The following DOCK1 variants were observed in gnomAD, a reference collection of about 807,000 sequenced individuals.
The protein encoded by DOCK1 is dedicator of cytokinesis 1, also known as dedicator of cytokinesis protein 1.
DOCK1 carries 138 observed loss-of-function variants against 262.7 expected under a neutral mutation model. The ratio of observed to expected loss-of-function variants is 0.53; its 90% CI spans 0.46 to 0.61. DOCK1 has a LOEUF of 0.61. Ranked by LOEUF, DOCK1 falls within the 20% of genes least tolerant of loss-of-function variation. The pLI, the probability that DOCK1 is intolerant of heterozygous loss-of-function variation, is 0.00. For synonymous variants in DOCK1, 866 were observed against 867.4 expected, an observed-to-expected ratio of 1.00 and a Z score of 0.03; for missense variants, 1,908 against 2,370.7, an observed-to-expected ratio of 0.80 and a Z score of 4.05.
intron 23 of DOCK1, among the ~76,000 whole-genome samples, chr10:127,091,593 C>T (rs965128723): frequency 3.3e-5 from 5 of 152,158 alleles, no homozygotes; most frequent in African/African-American, 7.2e-5. Context: ...CAGGAGAGAG[C>T]GTTGTTTAGA....
chr10:127,274,735 G>A (rs976321152), intron 29 of DOCK1, among the ~76,000 whole-genome samples: 4 of 152,182 alleles, frequency 2.6e-5, no homozygotes, highest in African/African-American at 9.6e-5. Flanking sequence ...GTGTTCCCGA[G>A]CTCTGTTTTG....
chr10:127,253,874 CAAAAAAAA>C (rs575042004), intron 28 of DOCK1, among the ~76,000 whole-genome samples: 6 of 101,472 alleles, frequency 5.9e-5, no homozygotes, highest in Non-Finnish European at 1.1e-4. Flanking sequence ...GACCCTGTCT[CAAAAAAAA>C]AAAAAAAAAA....
At chr10:127,320,398 T>TAAGTAGAA (rs1214514986) in intron 29 of DOCK1, among the ~76,000 whole-genome samples, 3 of 152,256 alleles carry the variant, frequency 2.0e-5, no homozygotes, top group East Asian at 1.9e-4. Context: ...AGTCCTTGCG[T>TAAGTAGAA]AAGTAGAATG....
At chr10:127,142,254 C>T (rs1048031739) in intron 27 of DOCK1, among the ~76,000 whole-genome samples, 4 of 152,194 alleles carry the variant, frequency 2.6e-5, no homozygotes, top group East Asian at 1.9e-4. Context: ...CACACGGGCA[C>T]GTGGGAAGCC....
chr10:127,433,932 A>T (rs1409979289), intron 48 of DOCK1, among the ~76,000 whole-genome samples: 2 of 151,742 alleles, frequency 1.3e-5, no homozygotes, highest in African/African-American at 4.8e-5. Flanking sequence ...TGGCTCAGGG[A>T]AGCCAAAAGA....
At chr10:127,225,565 A>G (rs1259231744) in intron 27 of DOCK1, among the ~76,000 whole-genome samples, 4 of 152,252 alleles carry the variant, frequency 2.6e-5, no homozygotes, top group Non-Finnish European at 5.9e-5. Flanking sequence ...CATTAGTTAT[A>G]GCTAATTAAC....
chr10:126,923,437 A>G (rs2033396669), intron 1 of DOCK1, among the ~76,000 whole-genome samples: 2 of 152,128 alleles, frequency 1.3e-5, no homozygotes, highest in South Asian at 2.1e-4. Flanking sequence ...CAGCCTGGCC[A>G]ACATGGTGAA....
intron 22 of DOCK1, among the ~76,000 whole-genome samples, chr10:127,057,817 A>T (rs1389370867): frequency 6.6e-6 from 1 of 152,246 alleles, no homozygotes; most frequent in Non-Finnish European, 1.5e-5. Context: ...ATTGATCATG[A>T]ATAAGTTGTA....
In DOCK1 at chr10:127,176,016, A is replaced by G; in HGVS notation, c.2847+48252A>G. 12 of 1,614,036 alleles carry G rather than the reference A, an allele frequency of 7.4e-6. No individual in the cohort carries two copies. Among genetic ancestry groups the G allele is most frequent in the Non-Finnish European group, 1.0e-5 (12 of 1,180,024 alleles). On this transcript the variant is annotated intron_variant, in intron 27 of 51. Transcript: ENST00000623213. This position sits in a 1 kb window ranked among gnomAD's most constrained non-coding sequence, Gnocchi z 4.4. ...GGGATCTGCAGCTGGGAGGCTTTTG[A>G]GGTTCCCCTTTTTGCGGTCCAGAGG...
Position 126,941,641 on chromosome 10 carries a change from G to A in DOCK1, c.47-29061G>A, listed in dbSNP as rs1237885352. On this transcript the variant is annotated intron_variant, in intron 1 of 51. Transcript: ENST00000623213. ...CGTGGTGGCGGGTGCCTGTAGTCCC[G>A]CTACTCGGGAGGCTGAGGCAGGAGA... Among the ~76,000 whole-genome samples, 7 of 151,044 alleles carry A rather than the reference G, an allele frequency of 4.6e-5. No individual in the cohort carries two copies. The East Asian group carries it at 9.8e-4, about 21-fold the overall frequency.
intron 33 of DOCK1, among the ~76,000 whole-genome samples, chr10:127,364,933 A>G (rs1342648059): frequency 6.6e-6 from 1 of 151,850 alleles, no homozygotes; most frequent in Non-Finnish European, 1.5e-5. Flanking sequence ...AAGATAATTC[A>G]TTTTTGAAAG....
rs368709969 is a variant in DOCK1 at position 127,327,440 on chromosome 10, A to T, written c.3045-11566A>T. 9.2e-5 allele frequency among the ~76,000 whole-genome samples: 14 copies of T among 152,304 alleles called. No homozygotes were observed. In the East Asian group the frequency reaches 2.5e-3, roughly 27 times the overall value. On this transcript the variant is annotated intron_variant, in intron 29 of 51. Coordinates refer to ENST00000623213, the MANE Select transcript of DOCK1 (RefSeq NM_001290223.2). ...TAAGAATCAACCTCTGGTAGCTTCA[A>T]ACTTTTCCCCTGCAGCTTCCTCACC...
chr10:127,449,511 T>A (rs1220542465), intron 51 of DOCK1, among the ~76,000 whole-genome samples: 2 of 152,214 alleles, frequency 1.3e-5, no homozygotes, highest in East Asian at 3.8e-4. Context: ...ATAACATGGA[T>A]TAGCTCTCTC....
chr10:126,964,166 C>T (rs998594579), intron 1 of DOCK1, among the ~76,000 whole-genome samples: 12 of 152,324 alleles, frequency 7.9e-5, no homozygotes, highest in Middle Eastern at 6.8e-3. Flanking sequence ...CTGGTCTCTG[C>T]CCCAGGGTCA....
chr10:126,972,881 C>T (rs958368597), intron 2 of DOCK1, among the ~76,000 whole-genome samples: 8 of 151,596 alleles, frequency 5.3e-5, no homozygotes, highest in Non-Finnish European at 1.0e-4. Context: ...AGTCCTTAAG[C>T]GGATGAGTAG....
chr10:126,961,457 T>A (rs1455489602), intron 1 of DOCK1, among the ~76,000 whole-genome samples: 3 of 144,974 alleles, frequency 2.1e-5, no homozygotes, highest in Non-Finnish European at 3.0e-5. Flanking sequence ...CCAGTGAAAC[T>A]CAGCACCCAT....
At chr10:127,364,475 T>G (rs974236006) in intron 33 of DOCK1, among the ~76,000 whole-genome samples, 18 of 152,210 alleles carry the variant, frequency 1.2e-4, no homozygotes, top group Admixed American at 1.0e-3. Flanking sequence ...CAAGTGATTC[T>G]CCTGCCTCAG....
In DOCK1 at chr10:127,403,038, T is replaced by A; in HGVS notation, c.3928-17T>A. 6.3e-7 allele frequency: 1 copy of A among 1,599,708 alleles called. No individual in the cohort carries two copies. The highest frequency in any genetic ancestry group is 1.1e-5 in the South Asian group (1 of 87,238). ...CAGGCCTCGGCTTCTCTTTCTTTTC[T>A]TTATTTTAACTCACAGATGTGGGAG... On this transcript the variant is annotated splice_polypyrimidine_tract_variant and intron_variant, in intron 38 of 51. Transcript: ENST00000623213.
intron 25 of DOCK1, among the ~76,000 whole-genome samples, chr10:127,125,008 T>C (rs2049857953): frequency 6.6e-6 from 1 of 151,732 alleles, no homozygotes; most frequent in South Asian, 2.1e-4. Context: ...TCCCAGCTAC[T>C]CAGGAGGCTG....
Sources: gnomAD v4.1 joint callset for allele counts (sites outside exome capture counted in the v4.1 genomes callset) on GRCh38, gnomAD v4.1.1 for gene constraint, Gnocchi (gnomAD v3.1) non-coding constraint, MANE v1.5 for transcripts, NCBI Gene and HGNC (gene_info 2026-07-23, HGNC 2026-07-21) for gene names.